The following PLCE1 variants were observed in gnomAD, a reference collection of about 807,000 sequenced individuals.
The protein encoded by PLCE1 is phospholipase C epsilon 1, also known as 1-phosphatidylinositol 4,5-bisphosphate phosphodiesterase epsilon-1.
A neutral mutation model predicts 242.8 loss-of-function variants in PLCE1; 119 were observed. The observed-to-expected ratio is 0.49, with a 90% CI of 0.42 to 0.57. The LOEUF (loss-of-function observed/expected upper bound fraction) is 0.57, where lower values mean the gene tolerates loss of function less well. PLCE1 is among the 20% of genes least tolerant of loss of function. PLCE1 has a pLI of 0.00. For synonymous variants in PLCE1, 945 were observed against 1,017.4 expected (o/e 0.93, Z 1.35); for missense variants, 2,441 against 2,788.8 (o/e 0.88, Z 2.81).
chr10:94,071,495 G>GTTTTTTTTTTTTTTTTTTGTTTTT (rs2044354302), intron 2 of PLCE1, among the ~76,000 whole-genome samples: 4 of 83,316 alleles, frequency 4.8e-5, no homozygotes, highest in African/African-American at 1.1e-4. Flanking sequence ...TTTGGTTTTC[G>GTTTTTTTTTTTTTTTTTTGTTTTT]TTTTTTTTTT....
At chr10:94,193,220 G>A (rs909235213) in intron 4 of PLCE1, among the ~76,000 whole-genome samples, 1 of 152,174 alleles carries the variant, frequency 6.6e-6, no homozygotes, top group African/African-American at 2.4e-5. Flanking sequence ...TTGGATAGGA[G>A]GTCATGGATC....
chr10:94,182,083 CTTTTCTTTCTGTTTT>C (rs2048331759), intron 4 of PLCE1, among the ~76,000 whole-genome samples: 1 of 135,594 alleles, frequency 7.4e-6, no homozygotes, highest in Admixed American at 7.0e-5. Context: ...GTCTTCCTTC[CTTTTCTTTCTGTTTT>C]TTTTTTTTTT....
intron 26 of PLCE1, among the ~76,000 whole-genome samples, chr10:94,308,377 G>A (rs2053275289): frequency 6.6e-6 from 1 of 152,176 alleles, no homozygotes; most frequent in African/African-American, 2.4e-5. Context: ...AGTCTAAGTT[G>A]GAAACAGTAC....
intron 2 of PLCE1, among the ~76,000 whole-genome samples, chr10:94,042,168 C>A (rs535321891): frequency 4.0e-4 from 61 of 152,210 alleles, no homozygotes; most frequent in African/African-American, 1.3e-3. Context: ...CTACCTCCCT[C>A]AGCAATGCCT....
At chr10:94,293,711 G>C in intron 23 of PLCE1, 72 bp downstream of exon 23, 1 of 1,515,582 alleles carries the variant, frequency 6.6e-7, no homozygotes, top group Non-Finnish European at 9.1e-7. Flanking sequence ...TACTGTCTAA[G>C]CACTTCCCTT....
chr10:94,273,756 G>A, intron 19 of PLCE1, 36 bp downstream of exon 19: 7 of 1,592,640 alleles, frequency 4.4e-6, no homozygotes, highest in Non-Finnish European at 6.0e-6. Context: ...TGAAAAGGCA[G>A]TGTGCCTAGA....
At chr10:94,162,400 G>C (rs2047647170) in intron 3 of PLCE1, among the ~76,000 whole-genome samples, 1 of 152,114 alleles carries the variant, frequency 6.6e-6, no homozygotes, top group Non-Finnish European at 1.5e-5. Context: ...TGTATGTGTG[G>C]AGGAATTTAT....
intron 2 of PLCE1, among the ~76,000 whole-genome samples, chr10:94,043,008 C>A (rs1043384739): frequency 2.6e-5 from 4 of 152,172 alleles, no homozygotes; most frequent in African/African-American, 9.7e-5. Context: ...GACTCAGTAG[C>A]ATTTCTTTCC....
chr10:94,077,187 G>A (rs2044529667), intron 2 of PLCE1, among the ~76,000 whole-genome samples: 1 of 152,198 alleles, frequency 6.6e-6, no homozygotes, highest in South Asian at 2.1e-4. Context: ...CCCAGTTGGG[G>A]GCAGTTTGGC....
intron 2 of PLCE1, among the ~76,000 whole-genome samples, chr10:94,130,587 C>T (rs938912910): frequency 6.6e-6 from 1 of 152,174 alleles, no homozygotes; most frequent in African/African-American, 2.4e-5. Context: ...GTGTACCTGA[C>T]CTCATGTACC....
intron 19 of PLCE1, among the ~76,000 whole-genome samples, chr10:94,279,050 C>T (rs993577873): frequency 8.5e-5 from 13 of 152,226 alleles, no homozygotes; most frequent in East Asian, 1.9e-4. Flanking sequence ...TTACTGACCC[C>T]GTTCCTCTAC....
At chr10:94,232,370 C>T (rs2050174115) in intron 5 of PLCE1, among the ~76,000 whole-genome samples, 1 of 152,148 alleles carries the variant, frequency 6.6e-6, no homozygotes, top group Admixed American at 6.5e-5. Context: ...GTCTCAGAGA[C>T]TTGTAGTAGT....
intron 1 of PLCE1, among the ~76,000 whole-genome samples, chr10:93,997,632 C>CTT (rs34338995): frequency 6.8e-3 from 539 of 79,824 alleles, no homozygotes; most frequent in Middle Eastern, 0.01. Flanking sequence ...AATAACCATC[C>CTT]TTTTTTTTTT....
intron 2 of PLCE1, among the ~76,000 whole-genome samples, chr10:94,038,359 G>A (rs558009147): frequency 1.3e-5 from 2 of 152,206 alleles, no homozygotes; most frequent in Admixed American, 1.3e-4. Context: ...TTATTTTCTG[G>A]CACCATGACA....
At chr10:94,179,260 A>T (rs1326876354) in intron 4 of PLCE1, among the ~76,000 whole-genome samples, 1 of 152,154 alleles carries the variant, frequency 6.6e-6, no homozygotes, top group African/African-American at 2.4e-5. Flanking sequence ...TTAGCTGTAG[A>T]TGGCACTTCC....
chr10:94,322,952 G>T (rs998336907), intron 30 of PLCE1, among the ~76,000 whole-genome samples: 1 of 152,154 alleles, frequency 6.6e-6, no homozygotes, highest in South Asian at 2.1e-4. Flanking sequence ...GCCAGACCCT[G>T]TCTCAAACAA....
intron 28 of PLCE1, among the ~76,000 whole-genome samples, chr10:94,316,080 T>G (rs1409421056): frequency 1.3e-5 from 2 of 152,130 alleles, no homozygotes; most frequent in Non-Finnish European, 2.9e-5. Flanking sequence ...CTGTCAGAAG[T>G]TTATTTAAAG....
At chr10:94,175,953 A>G (rs903576359) in intron 4 of PLCE1, among the ~76,000 whole-genome samples, 3 of 152,248 alleles carry the variant, frequency 2.0e-5, no homozygotes, top group East Asian at 1.9e-4. Context: ...TTTCTTATCT[A>G]TTCATCTTGT....
At chr10:94,002,154 G>A (rs1021426967) in intron 1 of PLCE1, among the ~76,000 whole-genome samples, 1 of 152,066 alleles carries the variant, frequency 6.6e-6, no homozygotes, top group African/African-American at 2.4e-5. Context: ...AGAGAAGAAG[G>A]CAGGAACTTT....
Sources: allele counts gnomAD v4.1 joint callset (sites outside exome capture counted in the v4.1 genomes callset), GRCh38; gene constraint gnomAD v4.1.1; transcripts MANE v1.5; gene names NCBI Gene and HGNC (gene_info 2026-07-23, HGNC 2026-07-21).